The following CNR1 variants were observed in gnomAD, a reference collection of about 807,000 sequenced individuals.
The protein encoded by CNR1 is cannabinoid receptor 1, also known as cannabinoid receptor 1 (brain).
A neutral mutation model predicts 23.0 loss-of-function variants in CNR1; 10 were observed. The ratio of observed to expected loss-of-function variants is 0.43; its 90% CI spans 0.27 to 0.74. The LOEUF (loss-of-function observed/expected upper bound fraction) is 0.74. Among genes scored for constraint, CNR1 ranks in the 30% least tolerant of loss-of-function variants. The pLI is 0.19. For synonymous variants in CNR1, 271 were observed against 255.2 expected (o/e 1.06, Z -0.59); for missense variants, 422 against 618.8 (o/e 0.68, Z 3.37).
chr6:88,151,628 T>C (rs1777524701), intron 1 of CNR1, among the ~76,000 whole-genome samples: 1 of 151,888 alleles, frequency 6.6e-6, no homozygotes. Flanking sequence ...CTTAGTATTA[T>C]GGCTCTTTGC....
chr6:88,150,710 G>C (rs1777473809), intron 1 of CNR1, among the ~76,000 whole-genome samples: 1 of 152,232 alleles, frequency 6.6e-6, no homozygotes, highest in Non-Finnish European at 1.5e-5. Flanking sequence ...TGGTGTTTAA[G>C]TATGGGTGGG....
At chr6:88,151,655 A>C (rs1187908094) in intron 1 of CNR1, among the ~76,000 whole-genome samples, 1 of 151,560 alleles carries the variant, frequency 6.6e-6, no homozygotes, top group African/African-American at 2.4e-5. Context: ...CTATATACTA[A>C]TTATATTGTA....
chr6:88,143,902 T>C lies in CNR1; in HGVS notation c.1373A>G (p.Lys458Arg). ...GTCTGTGGACACAGACATGGTTACC[T>C]TGGCAATCTTGACCGTGCTCTTGAT... The part of the protein sequence containing the change: ...SCIKSTVKIA[K>R]VTMSVSTDTS... Residue 458 changes from lysine (K) to arginine (R), a missense_variant, in exon 2 of 2, where the codon AAG becomes AGG. Physicochemically the swap from Lys to Arg is conservative, Grantham distance 26 (BLOSUM62 2). Coordinates refer to ENST00000369501, the MANE Select transcript of CNR1 (RefSeq NM_016083.6). The C allele has an allele frequency of 6.2e-7, 1 of 1,614,136 alleles. No homozygotes were observed. Among genetic ancestry groups the C allele is most frequent in the Non-Finnish European group, 8.5e-7 (1 of 1,180,006 alleles).
At chr6:88,146,175 G>C (rs1777174727) in intron 1 of CNR1, among the ~76,000 whole-genome samples, 2 of 151,796 alleles carry the variant, frequency 1.3e-5, no homozygotes, top group Non-Finnish European at 2.9e-5. Context: ...GCACGATCTG[G>C]GCTCACTGCA....
At chr6:88,145,362 C>A in intron 1 of CNR1, 25 bp from the exon 2 acceptor site, 3 of 1,048,634 alleles carry the variant, frequency 2.9e-6, no homozygotes, top group Admixed American at 2.3e-5. Context: ...AACAAATAAG[C>A]CGAATGGTGA....
Position 88,141,087 on chromosome 6 carries a change from C to T in CNR1, c.*2769G>A, listed in dbSNP as rs1411985236. ...GAGGAAAGTAAGATACCTCTGATGT[C>T]AGACCTTATAAAACTTACTTAAATT... On this transcript the variant is annotated 3_prime_UTR_variant, in exon 2 of 2. Transcript: ENST00000369501. 1.3e-5 allele frequency: 2 copies of T among 152,256 alleles called. No homozygotes were observed. Among genetic ancestry groups the T allele is most frequent in the Non-Finnish European group, 2.9e-5 (2 of 68,022 alleles). 9.4% of individuals were successfully genotyped at this position (152,256 alleles called of 1,614,324 possible).
Position 88,140,666 on chromosome 6 carries a change from T to G in CNR1, c.*3190A>C, listed in dbSNP as rs1265334058. On this transcript the variant is annotated 3_prime_UTR_variant, in exon 2 of 2. Coordinates refer to ENST00000369501, the MANE Select transcript of CNR1 (RefSeq NM_016083.6). ...TTTTATGGACATGAAATGGCAGAAATTAATCAACAGGACAGTAACTATAGC... is the reference window on the plus strand; with the variant it reads ...TTTTATGGACATGAAATGGCAGAAAGTAATCAACAGGACAGTAACTATAGC... The G allele has an allele frequency of 1.3e-5, 2 of 152,342 alleles. No individual in the cohort carries two copies. Among genetic ancestry groups the G allele is most frequent in the African/African-American group, 4.8e-5 (2 of 41,446 alleles). The allele number at this position is 152,342 out of a possible 1,614,324, so 9.4% of individuals were successfully genotyped here. A position where few individuals can be genotyped will look rare whatever the true frequency, so the allele number is the denominator to read the frequency against.
chr6:88,153,950 C>T (rs1230963981), intron 1 of CNR1, among the ~76,000 whole-genome samples: 1 of 152,188 alleles, frequency 6.6e-6, no homozygotes, highest in African/African-American at 2.4e-5. Context: ...TCACTTTTCC[C>T]TCATCTTCTA....
At chr6:88,156,478 T>C (rs1438220470) in intron 1 of CNR1, among the ~76,000 whole-genome samples, 1 of 152,208 alleles carries the variant, frequency 6.6e-6, no homozygotes, top group Non-Finnish European at 1.5e-5. Context: ...TGTCTTCCTT[T>C]TCCTAGTTGA....
Position 88,145,263 on chromosome 6 carries a change from G to A in CNR1, c.12C>T (p.Ile4=). The A allele has an allele frequency of 3.7e-6, 6 of 1,609,334 alleles. No homozygotes were observed. The highest frequency in any genetic ancestry group is 5.1e-6 in the Non-Finnish European group (6 of 1,176,800). The change falls in exon 2 of 2, where the codon ATC becomes ATT. Residue 4 remains isoleucine, a synonymous_variant. Coordinates refer to ENST00000369501, the MANE Select transcript of CNR1 (RefSeq NM_016083.6). MKS[I]LDGLADTTFR... ...AGGTGGTATCTGCAAGGCCATCTAG[G>A]ATCGACTTCATAACCTCAGTCTTTG... is the stretch of plus-strand genomic sequence containing the variant.
chr6:88,144,678 G>A lies in CNR1; in HGVS notation c.597C>T (p.Ser199=). ...FLFKLGGVTA[S]FTASVGSLFL... is the part of the protein sequence containing the mutation. The stretch of plus-strand genomic sequence containing the variant: ...ACAGGCTGCCCACGGAGGCAGTGAA[G>A]GAGGCCGTGACCCCACCCAGTTTGA... Residue 199 remains serine, a synonymous_variant, in exon 2 of 2, where the codon TCC becomes TCT. Coordinates refer to ENST00000369501, the MANE Select transcript of CNR1 (RefSeq NM_016083.6). This position sits in a 1 kb window ranked among gnomAD's most constrained non-coding sequence, Gnocchi z 7.8. 6.2e-7 allele frequency: 1 copy of A among 1,614,220 alleles called. No homozygotes were observed. The highest frequency in any genetic ancestry group is 8.5e-7 in the Non-Finnish European group (1 of 1,180,052).
chr6:88,143,674 A>G lies in CNR1; in HGVS notation c.*182T>C, dbSNP rs1361592010. 3 of 592,362 alleles carry G rather than the reference A, an allele frequency of 5.1e-6. No homozygotes were observed. Among genetic ancestry groups the G allele is most frequent in the Non-Finnish European group, 6.0e-6 (2 of 334,446 alleles). The allele number at this position is 592,362 out of a possible 1,614,324, so 36.7% of individuals were successfully genotyped here. ...TTTCTTCACTGTAAACCCCTGGAGA[A>G]TGGAGTTTGAGTACCTAAACTATGG... On this transcript the variant is annotated 3_prime_UTR_variant, in exon 2 of 2. Coordinates refer to ENST00000369501, the MANE Select transcript of CNR1 (RefSeq NM_016083.6).
intron 1 of CNR1, among the ~76,000 whole-genome samples, chr6:88,163,911 G>C (rs1035473254): frequency 1.3e-5 from 2 of 152,096 alleles, no homozygotes; most frequent in Non-Finnish European, 2.9e-5. Flanking sequence ...CTGGGAAATG[G>C]GTAACAGAAA....
In CNR1 at chr6:88,144,531, G is replaced by C. The variant is rs762643235; in HGVS notation, c.744C>G (p.Ala248=). The C allele has an allele frequency of 6.2e-7, 1 of 1,614,206 alleles. No homozygotes were observed. Among genetic ancestry groups the C allele is most frequent in the Admixed American group, 1.7e-5 (1 of 60,032 alleles). The change falls in exon 2 of 2, where the codon GCC becomes GCG. Residue 248 remains alanine, a synonymous_variant. Transcript: ENST00000369501. The surrounding 1 kb of genome is among the most constrained non-coding windows in gnomAD (Gnocchi z 7.8). ...CLMWTIAIVI[A]VLPLLGWNCE... ...AGTTCCAGCCCAGGAGAGGCAGCACGGCGATCACAATGGCTATGGTCCACA... is the reference window on the plus strand; with the variant it reads ...AGTTCCAGCCCAGGAGAGGCAGCACCGCGATCACAATGGCTATGGTCCACA...
chr6:88,165,026 A>G (rs1448023658), intron 1 of CNR1, among the ~76,000 whole-genome samples: 2 of 152,248 alleles, frequency 1.3e-5, no homozygotes, highest in Admixed American at 1.3e-4. Flanking sequence ...AGGCAAAATG[A>G]TTAATACGTT....
rs1777476808 is a variant in CNR1 at position 88,150,768 on chromosome 6, G to A, written c.-63-5431C>T. On this transcript the variant is annotated intron_variant, in intron 1 of 1. Transcript: ENST00000369501. ...TTGTGGATGTGCCAGGACCATGTAA[G>A]GAACAGCTCTCTCATATATTGTGAC... is the stretch of plus-strand genomic sequence containing the variant. 5.9e-5 allele frequency among the ~76,000 whole-genome samples: 9 copies of A among 152,334 alleles called. No individual in the cohort carries two copies. In the South Asian group the frequency reaches 1.9e-3, roughly 32 times the overall value.
rs1776966256 is a variant in CNR1, at chr6:88,143,784, A to G, written c.*72T>C. ...AAGTTAAAAAAATATAACCAAGGAG[A>G]CAATAGACTCTTCTAGATTTTGAGC... On this transcript the variant is annotated 3_prime_UTR_variant, in exon 2 of 2. Transcript: ENST00000369501. The G allele has an allele frequency of 2.8e-6, 3 of 1,066,448 alleles. 1 individual carries two copies. The Admixed American group carries it at 6.6e-5, about 23-fold the overall frequency. 66.1% of individuals were successfully genotyped at this position (1,066,448 alleles called of 1,614,324 possible). A position where few individuals can be genotyped will look rare whatever the true frequency, so the allele number is the denominator to read the frequency against.
Position 88,145,315 on chromosome 6 carries a change from A to G in CNR1, c.-41T>C. On this transcript the variant is annotated 5_prime_UTR_variant, in exon 2 of 2. Coordinates refer to ENST00000369501, the MANE Select transcript of CNR1 (RefSeq NM_016083.6). Reference sequence around the variant, plus strand: ...TTAGGCTGAGCTCAAAATGACTGAGAAAGTGACCCACAGGGGGCAATCCTA... The same window carrying G: ...TTAGGCTGAGCTCAAAATGACTGAGGAAGTGACCCACAGGGGGCAATCCTA... 1 of 1,527,492 alleles carries G rather than the reference A, an allele frequency of 6.5e-7. No individual in the cohort carries two copies. The highest frequency in any genetic ancestry group is 8.9e-7 in the Non-Finnish European group (1 of 1,120,768). 94.6% of individuals were successfully genotyped at this position (1,527,492 alleles called of 1,614,324 possible). A position where few individuals can be genotyped will look rare whatever the true frequency, so the allele number is the denominator to read the frequency against.
intron 1 of CNR1, among the ~76,000 whole-genome samples, chr6:88,163,437 T>C (rs117016549): frequency 0.024 from 3,704 of 152,360 alleles, 77 homozygotes; most frequent in Non-Finnish European, 0.039. Flanking sequence ...CATCTCATAA[T>C]AGTTTATTCT....
Sources: gnomAD v4.1 joint callset for allele counts (sites outside exome capture counted in the v4.1 genomes callset) on GRCh38, gnomAD v4.1.1 for gene constraint, Gnocchi (gnomAD v3.1) non-coding constraint, MANE v1.5 for transcripts, NCBI Gene and HGNC (gene_info 2026-07-23, HGNC 2026-07-21) for gene names.